GALK2: variants seen among roughly 807,000 people sequenced by gnomAD.
GALK2 encodes N-acetylgalactosamine kinase.
A neutral mutation model predicts 52.4 loss-of-function variants in GALK2; 36 were observed. That is an observed-to-expected ratio of 0.69 (90% CI 0.53 to 0.91). The LOEUF is 0.91. GALK2 is among the 40% of genes least tolerant of loss of function. GALK2 has a pLI of 0.00. For synonymous variants in GALK2, 176 were observed against 199.1 expected, an observed-to-expected ratio of 0.88 and a Z score of 0.98; for missense variants, 579 against 559.1, an observed-to-expected ratio of 1.04 and a Z score of -0.36.
At chr15:49,225,108 A>T in intron 3 of GALK2, 1 of 427,558 alleles carries the variant, frequency 2.3e-6, no homozygotes, top group South Asian at 1.7e-5. Context: ...ATAGTGGGGT[A>T]GGGGGAGACA....
At chr15:49,200,539 A>G (rs888671363) in intron 1 of GALK2, among the ~76,000 whole-genome samples, 3 of 152,218 alleles carry the variant, frequency 2.0e-5, no homozygotes, top group Admixed American at 2.0e-4. Context: ...ACAGAATGCC[A>G]TGTGATGACA....
intron 3 of GALK2, among the ~76,000 whole-genome samples, chr15:49,340,394 C>T (rs2040496622): frequency 7.6e-6 from 1 of 130,970 alleles, no homozygotes; most frequent in Non-Finnish European, 1.7e-5. Flanking sequence ...CTGGGTGAGG[C>T]AGTGCCCCGC....
At chr15:49,212,610 A>G (rs1391554291) in intron 2 of GALK2, among the ~76,000 whole-genome samples, 1 of 151,854 alleles carries the variant, frequency 6.6e-6, no homozygotes, top group East Asian at 1.9e-4. Flanking sequence ...TATTTGACAT[A>G]TTTCTACCTT....
chr15:49,323,322 C>T (rs2037057458), intron 9 of GALK2, among the ~76,000 whole-genome samples: 1 of 152,128 alleles, frequency 6.6e-6, no homozygotes, highest in African/African-American at 2.4e-5. Context: ...TCCACAATTA[C>T]CCTGCCACCA....
chr15:49,197,773 C>T (rs1223333692), intron 1 of GALK2, among the ~76,000 whole-genome samples: 7 of 151,908 alleles, frequency 4.6e-5, no homozygotes, highest in Non-Finnish European at 1.5e-5. Flanking sequence ...CTTTATCTAC[C>T]AGATATTTTT....
chr15:49,296,878 C>T (rs8034734), intron 8 of GALK2, among the ~76,000 whole-genome samples: 14,303 of 152,188 alleles, frequency 0.094, 2,029 homozygotes, highest in African/African-American at 0.31. Flanking sequence ...GGATTACAGG[C>T]GTGAGCCACT....
chr15:49,197,990 A>G (rs2087390541), intron 1 of GALK2, among the ~76,000 whole-genome samples: 3 of 152,110 alleles, frequency 2.0e-5, no homozygotes, highest in African/African-American at 7.2e-5. Flanking sequence ...TTCTATCTCA[A>G]ATCCAGACAA....
At chr15:49,268,538 C>A (rs181616676) in intron 5 of GALK2, among the ~76,000 whole-genome samples, 1 of 152,328 alleles carries the variant, frequency 6.6e-6, no homozygotes, top group Non-Finnish European at 1.5e-5. Context: ...GTGAGCAGAG[C>A]TGCAGTCTGA....
At chr15:49,162,306 G>A (rs923956968) in intron 1 of GALK2, among the ~76,000 whole-genome samples, 1 of 152,146 alleles carries the variant, frequency 6.6e-6, no homozygotes, top group Non-Finnish European at 1.5e-5. Flanking sequence ...CCAGGTTGTT[G>A]CATGTATCAG....
intron 9 of GALK2, among the ~76,000 whole-genome samples, chr15:49,325,086 C>T (rs1029968480): frequency 6.6e-6 from 1 of 152,150 alleles, no homozygotes; most frequent in African/African-American, 2.4e-5. Flanking sequence ...TTAGTAAGTG[C>T]TTTATGGTCG....
chr15:49,179,652 C>CTTTTTTTTTTTTTTTTTTT (rs71875041), intron 1 of GALK2, among the ~76,000 whole-genome samples: 2 of 138,182 alleles, frequency 1.4e-5, no homozygotes, highest in African/African-American at 2.7e-5. Context: ...TTGTTTCTTT[C>CTTTTTTTTTTTTTTTTTTT]TTTTTTTTTT....
intron 5 of GALK2, among the ~76,000 whole-genome samples, chr15:49,240,063 G>A (rs1223914538): frequency 6.6e-6 from 1 of 152,166 alleles, no homozygotes; most frequent in African/African-American, 2.4e-5. Flanking sequence ...CACATGCTTA[G>A]TCTCTTTTAA....
chr15:49,243,733 C>G (rs2091210679), intron 5 of GALK2, among the ~76,000 whole-genome samples: 1 of 151,978 alleles, frequency 6.6e-6, no homozygotes, highest in African/African-American at 2.4e-5. Flanking sequence ...AATGTTAAGT[C>G]CTTGAAAAAT....
intron 5 of GALK2, among the ~76,000 whole-genome samples, chr15:49,247,155 G>A (rs1318613031): frequency 6.6e-6 from 1 of 152,134 alleles, no homozygotes; most frequent in Non-Finnish European, 1.5e-5. Context: ...AAGTGCAAAA[G>A]CCCTAAGGTG....
At chr15:49,291,089 G>A (rs750815646) in intron 7 of GALK2, among the ~76,000 whole-genome samples, 99 of 152,068 alleles carry the variant, frequency 6.5e-4, no homozygotes, top group Non-Finnish European at 1.8e-4. Flanking sequence ...CTGAGTAGCT[G>A]GGATGTCAGG....
In GALK2 at chr15:49,359,040, T is replaced by G. The variant is rs1482564106; in HGVS notation, c.427-8451T>G. On this transcript the variant is annotated intron_variant, in intron 3 of 3. Coordinates refer to the GALK2 transcript ENST00000558399. The stretch of plus-strand genomic sequence containing the variant: ...TGGGAAAACTGGCTAGCCATATGTA[T>G]AAAGCTGAAACTCGATCCCTTCCTT... 2.4e-3 allele frequency among the ~76,000 whole-genome samples: 369 copies of G among 152,078 alleles called. 4 individuals carry two copies. Among genetic ancestry groups the G allele is most frequent in the African/African-American group, 7.5e-3 (312 of 41,436 alleles).
chr15:49,306,312 G>A (rs2035540672), intron 8 of GALK2, among the ~76,000 whole-genome samples: 2 of 151,880 alleles, frequency 1.3e-5, no homozygotes, highest in Admixed American at 1.3e-4. Flanking sequence ...ATCATTTTGG[G>A]AAATAAATAA....
At position 49,367,377 on chromosome 15, in the gene GALK2, A is replaced by G. The variant is rs772564595; in HGVS notation, c.427-114A>G. ...GCATTCAATTTGTTTCTCAATTGAGACATTCAGTGAAATGTTTTGAATATT... is the reference window on the plus strand; with the variant it reads ...GCATTCAATTTGTTTCTCAATTGAGGCATTCAGTGAAATGTTTTGAATATT... On this transcript the variant is annotated intron_variant, in intron 3 of 3. Coordinates refer to the GALK2 transcript ENST00000558399. 343 of 1,288,614 alleles carry G rather than the reference A, an allele frequency of 2.7e-4. 1 individual carries two copies. Among genetic ancestry groups the G allele is most frequent in the Middle Eastern group, 5.5e-4 (2 of 3,642 alleles). 79.8% of individuals were successfully genotyped at this position (1,288,614 alleles called of 1,614,324 possible).
chr15:49,365,632 T>A, intron 3 of GALK2: 1 of 1,106,138 alleles, frequency 9.0e-7, no homozygotes, highest in Non-Finnish European at 1.4e-6. Flanking sequence ...AAAAAATACA[T>A]CATAGAGGAG....
Sources: gnomAD v4.1 joint callset for allele counts (sites outside exome capture counted in the v4.1 genomes callset) on GRCh38, gnomAD v4.1.1 for gene constraint, MANE v1.5 for transcripts, NCBI Gene and HGNC (gene_info 2026-07-23, HGNC 2026-07-21) for gene names.